GCSAML: variants seen among roughly 807,000 people sequenced by gnomAD.
The protein encoded by GCSAML is germinal center-associated signaling and motility-like protein.
A neutral mutation model predicts 13.0 loss-of-function variants in GCSAML; 9 were observed. The ratio of observed to expected loss-of-function variants is 0.69; its 90% CI spans 0.42 to 1.21. The LOEUF (loss-of-function observed/expected upper bound fraction) is 1.21, where lower values mean the gene tolerates loss of function less well. Ranked by LOEUF, GCSAML falls within the 50% of genes most tolerant of loss-of-function variation. The pLI, the probability that GCSAML is intolerant of heterozygous loss-of-function variation, is 0.00. For missense variants in GCSAML, 143 were observed against 153.4 expected, an observed-to-expected ratio of 0.93 and a Z score of 0.36; for synonymous variants, 37 against 52.9, an observed-to-expected ratio of 0.70 and a Z score of 1.31.
At chr1:247,572,691 A>G (rs548769584) in intron 4 of GCSAML, among the ~76,000 whole-genome samples, 1 of 152,226 alleles carries the variant, frequency 6.6e-6, no homozygotes, top group Non-Finnish European at 1.5e-5. Flanking sequence ...TCAGCGACCC[A>G]CTTGAGGAGG....
At chr1:247,536,771 C>T (rs556714090) in intron 2 of GCSAML, among the ~76,000 whole-genome samples, 1 of 151,982 alleles carries the variant, frequency 6.6e-6, no homozygotes, top group African/African-American at 2.4e-5. Context: ...GCTTATGGAG[C>T]GTAAGAATCA....
chr1:247,539,658 C>T (rs976090078), intron 2 of GCSAML, among the ~76,000 whole-genome samples: 3 of 152,152 alleles, frequency 2.0e-5, no homozygotes, highest in South Asian at 2.1e-4. Context: ...GGGGAGCCCT[C>T]GGCCTCAAAC....
At chr1:247,542,716 G>A (rs1667452240) in intron 2 of GCSAML, among the ~76,000 whole-genome samples, 1 of 152,218 alleles carries the variant, frequency 6.6e-6, no homozygotes, top group Non-Finnish European at 1.5e-5. Flanking sequence ...CCCCTGTGAT[G>A]TGAAAGCTCC....
intron 2 of GCSAML, among the ~76,000 whole-genome samples, chr1:247,562,098 G>T (rs1056607225): frequency 2.6e-5 from 4 of 152,118 alleles, no homozygotes; most frequent in South Asian, 4.1e-4. Flanking sequence ...ATTATAGTTT[G>T]TTTGGCCTAA....
chr1:247,547,714 C>T (rs371257191), upstream of GCSAML, among the ~76,000 whole-genome samples: 4 of 152,176 alleles, frequency 2.6e-5, no homozygotes, highest in African/African-American at 4.8e-5. Flanking sequence ...TGGCGGAACA[C>T]GCTTCTTAGT....
At chr1:247,508,542 T>G (rs577148486) in intron 1 of GCSAML, among the ~76,000 whole-genome samples, 49 of 152,352 alleles carry the variant, frequency 3.2e-4, no homozygotes, top group African/African-American at 1.1e-3. Flanking sequence ...ATTTTGGCTT[T>G]TTTTGGCCAT....
Position 247,568,710 on chromosome 1 carries a change from G to A in GCSAML, c.168+2751G>A, listed in dbSNP as rs115997420. On this transcript the variant is annotated intron_variant, in intron 4 of 4. Transcript: ENST00000366488. ...AAAGAAGCTTTTTTTCTAATTATGT[G>A]AAGAAAGACAATGGTAGCTTGATGG... Among the ~76,000 whole-genome samples, 1,400 of 152,222 alleles carry A rather than the reference G, an allele frequency of 9.2e-3. 23 individuals are homozygous for A. The highest frequency in any genetic ancestry group is 0.032 in the African/African-American group (1,338 of 41,522).
At chr1:247,563,211 G>A (rs755875679) in intron 2 of GCSAML, among the ~76,000 whole-genome samples, 1 of 152,030 alleles carries the variant, frequency 6.6e-6, no homozygotes, top group Non-Finnish European at 1.5e-5. Flanking sequence ...CCTCTCATTT[G>A]TCTTTAAGGA....
At chr1:247,569,139 C>T (rs1176061) in intron 4 of GCSAML, among the ~76,000 whole-genome samples, 128,973 of 152,140 alleles carry the variant, frequency 0.85, 55,111 homozygotes, top group Admixed American at 0.9. Context: ...CATACAATCA[C>T]GTCATCTGCA....
At chr1:247,520,723 C>CAAAT (rs1666385667) in intron 1 of GCSAML, among the ~76,000 whole-genome samples, 1 of 152,060 alleles carries the variant, frequency 6.6e-6, no homozygotes, top group African/African-American at 2.4e-5. Flanking sequence ...TTCTCATGTT[C>CAAAT]AAATAGCTGT....
chr1:247,551,191 A>G (rs1219807640), intron 1 of GCSAML, among the ~76,000 whole-genome samples: 1 of 152,180 alleles, frequency 6.6e-6, no homozygotes, highest in African/African-American at 2.4e-5. Context: ...GAAGGAAGGG[A>G]ATTCTGGTTT....
intron 1 of GCSAML, among the ~76,000 whole-genome samples, chr1:247,554,128 C>T (rs1667876453): frequency 6.6e-6 from 1 of 152,088 alleles, no homozygotes; most frequent in African/African-American, 2.4e-5. Context: ...TCTGGAACAT[C>T]TTATATATGA....
intron 2 of GCSAML, among the ~76,000 whole-genome samples, chr1:247,562,410 T>C (rs1370151846): frequency 6.6e-6 from 1 of 152,122 alleles, no homozygotes; most frequent in Admixed American, 6.6e-5. Flanking sequence ...GCTCCTTATT[T>C]ACTGCTCAGG....
intron 2 of GCSAML, among the ~76,000 whole-genome samples, chr1:247,539,041 G>A (rs751821140): frequency 1.8e-4 from 27 of 152,288 alleles, no homozygotes; most frequent in South Asian, 8.3e-4. Flanking sequence ...CCATGGCACC[G>A]TATGCCAATC....
intron 1 of GCSAML, among the ~76,000 whole-genome samples, chr1:247,518,872 C>T (rs998219190): frequency 7.2e-5 from 11 of 152,042 alleles, no homozygotes; most frequent in Non-Finnish European, 1.5e-4. Context: ...GCCTTTAGTC[C>T]TAGTTACTTG....
chr1:247,574,496 T>G lies in GCSAML; in HGVS notation c.*114T>G. 2 of 1,172,208 alleles carry G rather than the reference T, an allele frequency of 1.7e-6. No individual in the cohort carries two copies. Among genetic ancestry groups the G allele is most frequent in the Non-Finnish European group, 2.4e-6 (2 of 830,656 alleles). The allele number at this position is 1,172,208 out of a possible 1,614,324, so 72.6% of individuals were successfully genotyped here. The stretch of plus-strand genomic sequence containing the variant: ...GAAACATTCCTTTCTGGCTAAAGTT[T>G]AGAAATATTATCTTATTATATATCC... On this transcript the variant is annotated 3_prime_UTR_variant, in exon 5 of 5. Transcript: ENST00000366488.
chr1:247,522,449 C>T (rs1194541092), intron 1 of GCSAML, among the ~76,000 whole-genome samples: 1 of 149,172 alleles, frequency 6.7e-6, no homozygotes, highest in Non-Finnish European at 1.5e-5. Flanking sequence ...GCCATGATGA[C>T]GATGGCGGTT....
In GCSAML at chr1:247,526,798, G is replaced by T. The variant is rs922025182; in HGVS notation, c.-262-142G>T. 1.7e-5 allele frequency: 6 copies of T among 358,508 alleles called. No homozygotes were observed. The highest frequency in any genetic ancestry group is 1.3e-4 in the African/African-American group (6 of 46,804). The allele number at this position is 358,508 out of a possible 1,614,324, so 22.2% of individuals were successfully genotyped here. The stretch of plus-strand genomic sequence containing the variant: ...GAGCCTAGAAAATTCTGACATATTC[G>T]GCTGAAAAGGGACCTGGCATCGAAA... On this transcript the variant is annotated intron_variant, in intron 1 of 5. Coordinates refer to the GCSAML transcript ENST00000366489. This position sits in a 1 kb window ranked among gnomAD's most constrained non-coding sequence, Gnocchi z 4.8.
At chr1:247,566,306 G>T (rs1668363123) in intron 4 of GCSAML, among the ~76,000 whole-genome samples, 1 of 152,086 alleles carries the variant, frequency 6.6e-6, no homozygotes, top group Admixed American at 6.5e-5. Flanking sequence ...GCAGTGGCAC[G>T]ATCTCGGCTC....
Sources: allele counts gnomAD v4.1 joint callset (sites outside exome capture counted in the v4.1 genomes callset), GRCh38; gene constraint gnomAD v4.1.1; non-coding constraint Gnocchi (gnomAD v3.1); transcripts MANE v1.5; gene names NCBI Gene and HGNC (gene_info 2026-07-23, HGNC 2026-07-21).